The following CACNA2D4 variants were observed in gnomAD, a reference collection of about 807,000 sequenced individuals.
The protein encoded by CACNA2D4 is voltage-dependent calcium channel subunit alpha-2/delta-4.
A neutral mutation model predicts 163.8 loss-of-function variants in CACNA2D4; 157 were observed. The ratio of observed to expected loss-of-function variants is 0.96; its 90% CI spans 0.84 to 1.09. CACNA2D4 has a LOEUF of 1.09. Ranked by LOEUF, CACNA2D4 falls within the 50% of genes least tolerant of loss-of-function variation. The pLI, the probability that CACNA2D4 is intolerant of heterozygous loss-of-function variation, is 0.00. For synonymous variants in CACNA2D4, 598 were observed against 586.9 expected, an observed-to-expected ratio of 1.02 and a Z score of -0.27; for missense variants, 1,410 against 1,479.9, an observed-to-expected ratio of 0.95 and a Z score of 0.78.
intron 1 of CACNA2D4, among the ~76,000 whole-genome samples, chr12:1,916,186 T>C (rs1565745302): frequency 6.6e-6 from 1 of 152,072 alleles, no homozygotes; most frequent in Non-Finnish European, 1.5e-5. Context: ...TGAATACAAT[T>C]AAGACTATCA....
At position 1,828,244 on chromosome 12, in the gene CACNA2D4, G is replaced by A. The variant is rs774893554; in HGVS notation, c.2551+12495C>T. Reference sequence around the variant, plus strand: ...AGTACACCCCTGGCCTCGGAGGGGGGTGCGGGTTGGGTGGGGGTGCCGAGG... The same window carrying A: ...AGTACACCCCTGGCCTCGGAGGGGGATGCGGGTTGGGTGGGGGTGCCGAGG... On this transcript the variant is annotated intron_variant, in intron 26 of 37. Transcript: ENST00000382722. The surrounding 1 kb of genome is among the most constrained non-coding windows in gnomAD (Gnocchi z 4.2). 21 of 1,527,098 alleles carry A rather than the reference G, an allele frequency of 1.4e-5. No homozygotes were observed. Among genetic ancestry groups the A allele is most frequent in the South Asian group, 2.5e-5 (2 of 81,210 alleles). The allele number at this position is 1,527,098 out of a possible 1,614,324, so 94.6% of individuals were successfully genotyped here. A position where few individuals can be genotyped will look rare whatever the true frequency, so the allele number is the denominator to read the frequency against.
At chr12:1,887,978 A>G (rs1338792350) in intron 6 of CACNA2D4, among the ~76,000 whole-genome samples, 1 of 152,196 alleles carries the variant, frequency 6.6e-6, no homozygotes, top group East Asian at 1.9e-4. Flanking sequence ...AGGTTGTCAG[A>G]GACCATGATC....
At chr12:1,851,704 T>C (rs1865288095) in intron 23 of CACNA2D4, among the ~76,000 whole-genome samples, 1 of 141,458 alleles carries the variant, frequency 7.1e-6, no homozygotes, top group Non-Finnish European at 1.5e-5. Context: ...TTCCAGAGAT[T>C]TCCTGGTTAT....
In CACNA2D4 at chr12:1,828,102, T is replaced by TC; in HGVS notation, c.2551+12636dup. ...ACTGACAGGCGGCGCACCCAGGGGC[T>TC]CCTCTCTCCCCAGAGCGACAGGGCC... On this transcript the variant is annotated intron_variant, in intron 26 of 37. Transcript: ENST00000382722. This position sits in a 1 kb window ranked among gnomAD's most constrained non-coding sequence, Gnocchi z 4.2. 1.4e-6 allele frequency: 2 copies of TC among 1,471,416 alleles called. No homozygotes were observed. Among genetic ancestry groups the TC allele is most frequent in the Non-Finnish European group, 1.8e-6 (2 of 1,106,304 alleles). 91.1% of individuals were successfully genotyped at this position (1,471,416 alleles called of 1,614,324 possible). A position where few individuals can be genotyped will look rare whatever the true frequency, so the allele number is the denominator to read the frequency against.
chr12:1,856,250 C>T (rs867742813), intron 20 of CACNA2D4, 21 bp from the exon 21 acceptor site: 2 of 1,613,826 alleles, frequency 1.2e-6, no homozygotes, highest in Non-Finnish European at 1.7e-6. Flanking sequence ...AGTCCACATT[C>T]AGGGTGATGC....
At chr12:1,903,928 A>G (rs1866596343) in intron 6 of CACNA2D4, among the ~76,000 whole-genome samples, 1 of 152,114 alleles carries the variant, frequency 6.6e-6, no homozygotes, top group Non-Finnish European at 1.5e-5. Context: ...TCCCATGTTT[A>G]CTGCAGCACT....
chr12:1,914,822 C>T, intron 2 of CACNA2D4, 32 bp downstream of exon 2: 1 of 1,528,886 alleles, frequency 6.5e-7, no homozygotes, highest in Non-Finnish European at 9.1e-7. Flanking sequence ...CCCTCTGCCA[C>T]CCGGTGGGCT....
At chr12:1,887,390 C>T (rs1376965379) in intron 6 of CACNA2D4, among the ~76,000 whole-genome samples, 1 of 152,246 alleles carries the variant, frequency 6.6e-6, no homozygotes, top group East Asian at 1.9e-4. Context: ...TGACTTTTAA[C>T]ATCCATTACC....
At position 1,795,341 on chromosome 12, in the gene CACNA2D4, C is replaced by A. The variant is rs1340936557; in HGVS notation, c.3267G>T (p.Lys1089Asn). 6.2e-7 allele frequency: 1 copy of A among 1,612,708 alleles called. No homozygotes were observed. Among genetic ancestry groups the A allele is most frequent in the South Asian group, 1.1e-5 (1 of 91,026 alleles). The change falls in exon 37 of 38, where the codon AAG (lysine) becomes AAT (asparagine). Residue 1089 changes from lysine to asparagine, a missense_variant. By Grantham distance (94) the Lys-to-Asn change is moderately conservative (BLOSUM62 0). Coordinates refer to ENST00000382722, the MANE Select transcript of CACNA2D4 (RefSeq NM_172364.5). The stretch of plus-strand genomic sequence containing the variant: ...GGCAGGAGTCTGGTCGCCGGCGGAG[C>A]TTCTGGGAGCGCATCCGGTCACATT... ...SVKCDRMRSQ[K>N]LRRRPDSCHA...
Position 1,793,741 on chromosome 12 carries a change from C to T in CACNA2D4, c.3328G>A (p.Gly1110Ser), listed in dbSNP as rs375689514. 2.0e-5 allele frequency: 32 copies of T among 1,613,070 alleles called. No homozygotes were observed. The highest frequency in any genetic ancestry group is 2.7e-5 in the African/African-American group (2 of 74,922). The change falls in exon 38 of 38, where the codon GGC becomes AGC. Residue 1110 changes from glycine to serine, a missense_variant. Gly to Ser is a moderately conservative substitution (Grantham distance 56). Coordinates refer to ENST00000382722, the MANE Select transcript of CACNA2D4 (RefSeq NM_172364.5). ...FHPEENAQDC[G>S]GASDTSASPP... ...GAGGCTGAGGTGTCCGAGGCGCCGC[C>T]GCAGTCCTGGGCATTCTCCTGCGAA...
At chr12:1,864,964 C>T (rs1865612182) in intron 18 of CACNA2D4, among the ~76,000 whole-genome samples, 1 of 152,144 alleles carries the variant, frequency 6.6e-6, no homozygotes, top group African/African-American at 2.4e-5. Flanking sequence ...ACCGTGGTGC[C>T]CTCGCCGCGC....
rs200563551 is a variant in CACNA2D4, at chr12:1,907,931, A to T, written c.593T>A (p.Leu198Gln). 2.7e-4 allele frequency: 429 copies of T among 1,614,060 alleles called. No homozygotes were observed. Among genetic ancestry groups the T allele is most frequent in the Non-Finnish European group, 3.4e-4 (405 of 1,179,884 alleles). Reference sequence around the variant, plus strand: ...GCTGCTGATGGAGGTGTTCACCGGCAGGTTGCTGAAGTGAGCATTGGACTC... The same window carrying T: ...GCTGCTGATGGAGGTGTTCACCGGCTGGTTGCTGAAGTGAGCATTGGACTC... ...LLESNAHFSN[L>Q]PVNTSISSVQ... Residue 198 changes from leucine (L) to glutamine (Q), a missense_variant, in exon 5 of 38, where the codon CTG becomes CAG. Physicochemically the swap from Leu to Gln is moderately radical, Grantham distance 113. Coordinates refer to ENST00000382722, the MANE Select transcript of CACNA2D4 (RefSeq NM_172364.5).
chr12:1,885,924 G>A, intron 9 of CACNA2D4, 41 bp downstream of exon 9: 3 of 1,446,758 alleles, frequency 2.1e-6, no homozygotes, highest in Middle Eastern at 3.7e-4. Flanking sequence ...ATCCAGACAA[G>A]AGCAGGGGCT....
intron 7 of CACNA2D4, among the ~76,000 whole-genome samples, 200 bp from the exon 8 acceptor site, chr12:1,886,573 G>T (rs896241888): frequency 6.6e-6 from 1 of 152,202 alleles, no homozygotes; most frequent in Non-Finnish European, 1.5e-5. Context: ...AGTGGTTGGG[G>T]ATGTGCCACC....
chr12:1,914,934 C>A lies in CACNA2D4; in HGVS notation c.229G>T (p.Val77Leu). ...WGQAKIPLET[V>L]KLWADTFGGD... ...CCGAAGGTGTCAGCCCATAGCTTCA[C>A]TCTGCCAGGCAATGAAAGGACACGC... Residue 77 changes from valine (V) to leucine (L), a missense_variant and splice_region_variant, in exon 2 of 38, where the codon GTG becomes TTG. Physicochemically the swap from Val to Leu is conservative, Grantham distance 32. Transcript: ENST00000382722. 6.2e-7 allele frequency: 1 copy of A among 1,611,694 alleles called. No homozygotes were observed. The highest frequency in any genetic ancestry group is 8.5e-7 in the Non-Finnish European group (1 of 1,177,754).
Position 1,799,703 on chromosome 12 carries a change from G to C in CACNA2D4, c.2975-8C>G. ...GATGGAAGACACTTTTGGCTGGCCGGAACATAAGCCCAGCACAGGGTGGAC... is the reference window on the plus strand; with the variant it reads ...GATGGAAGACACTTTTGGCTGGCCGCAACATAAGCCCAGCACAGGGTGGAC... On this transcript the variant is annotated splice_region_variant and splice_polypyrimidine_tract_variant and intron_variant, in intron 33 of 37. Coordinates refer to ENST00000382722, the MANE Select transcript of CACNA2D4 (RefSeq NM_172364.5). This position sits in a 1 kb window ranked among gnomAD's most constrained non-coding sequence, Gnocchi z 4.7. 4 of 1,570,358 alleles carry C rather than the reference G, an allele frequency of 2.5e-6. No homozygotes were observed. Among genetic ancestry groups the C allele is most frequent in the Non-Finnish European group, 3.5e-6 (4 of 1,158,126 alleles).
chr12:1,864,292 A>G (rs1865592846), intron 18 of CACNA2D4, among the ~76,000 whole-genome samples: 1 of 152,238 alleles, frequency 6.6e-6, no homozygotes, highest in South Asian at 2.1e-4. Context: ...AAGTCGAATG[A>G]CAATGGAGCC....
chr12:1,841,333 C>G (rs1020679411), intron 25 of CACNA2D4, among the ~76,000 whole-genome samples: 1 of 152,214 alleles, frequency 6.6e-6, no homozygotes, highest in African/African-American at 2.4e-5. Flanking sequence ...ACTGCACAAC[C>G]GCTCTCCGGG....
At chr12:1,813,287 CA>C (rs1391883094) in intron 26 of CACNA2D4, among the ~76,000 whole-genome samples, 1 of 152,172 alleles carries the variant, frequency 6.6e-6, no homozygotes, top group African/African-American at 2.4e-5. Flanking sequence ...GTTTCTCCTT[CA>C]GGGGGTCCAG....
Sources: gnomAD v4.1 joint callset for allele counts (sites outside exome capture counted in the v4.1 genomes callset) on GRCh38, gnomAD v4.1.1 for gene constraint, Gnocchi (gnomAD v3.1) non-coding constraint, MANE v1.5 for transcripts, NCBI Gene and HGNC (gene_info 2026-07-23, HGNC 2026-07-21) for gene names.